Variants in DNHD1 observed in about 807,000 individuals in gnomAD.
DNHD1 encodes dynein heavy chain domain-containing protein 1.
DNHD1 carries 383 observed loss-of-function variants against 458.1 expected under a neutral mutation model. That is an observed-to-expected ratio of 0.84 (90% CI 0.77 to 0.91). The LOEUF is 0.91. DNHD1 is among the 40% of genes least tolerant of loss of function. The probability of loss-of-function intolerance (pLI) is 0.00; values close to 1 mark genes in which losing one functional copy is unlikely to be tolerated. For synonymous variants in DNHD1, 2,203 were observed against 2,376.9 expected, an observed-to-expected ratio of 0.93 and a Z score of 2.13; for missense variants, 5,336 against 5,866.1, an observed-to-expected ratio of 0.91 and a Z score of 2.95.
Position 6,508,876 on chromosome 11 carries a change from A to G in DNHD1, c.921-4A>G, listed in dbSNP as rs11605607. The G allele has an allele frequency of 0.17, 276,942 of 1,613,352 alleles. 25,279 individuals carry two copies. Among genetic ancestry groups the G allele is most frequent in the Non-Finnish European group, 0.19 (218,366 of 1,179,692 alleles). On this transcript the variant is annotated splice_polypyrimidine_tract_variant and splice_region_variant and intron_variant, in intron 4 of 42. Transcript: ENST00000254579. ...CTTCACTGATCAGAGCTCTTTTTTTAAAGGCCTTACAGCCTGATGGTGGTG... is the reference window on the plus strand; with the variant it reads ...CTTCACTGATCAGAGCTCTTTTTTTGAAGGCCTTACAGCCTGATGGTGGTG...
rs746560822 is a variant in DNHD1, at chr11:6,498,933, G to T, written c.718G>T (p.Val240Leu). The change falls in exon 3 of 43, where the codon GTG (valine) becomes TTG (leucine). Residue 240 changes from valine to leucine, a missense_variant. Val to Leu is a conservative substitution (Grantham distance 32). This residue lies in a region of DNHD1 where 3,932 missense variants were observed against 4,365.6 expected (regional missense o/e 0.90). Transcript: ENST00000254579. ...YESSDTDNAEVEPVGRKETRS... is the reference protein window; with the variant it reads ...YESSDTDNAELEPVGRKETRS... ...AAGCAGTGACACTGACAATGCAGAG[G>T]TGGAGCCTGTTGGAAGAAAAGAGAC... 6.2e-7 allele frequency: 1 copy of T among 1,610,216 alleles called. No homozygotes were observed. Among genetic ancestry groups the T allele is most frequent in the Non-Finnish European group, 8.5e-7 (1 of 1,177,864 alleles).
At chr11:6,537,201 T>C (rs2134417632) in intron 14 of DNHD1, among the ~76,000 whole-genome samples, 1 of 152,326 alleles carries the variant, frequency 6.6e-6, no homozygotes, top group South Asian at 2.1e-4. Context: ...CAACTGACTA[T>C]AAGTAACTGA....
Position 6,547,514 on chromosome 11 carries a change from T to C in DNHD1, c.6575T>C (p.Phe2192Ser). 1 of 1,551,086 alleles carries C rather than the reference T, an allele frequency of 6.4e-7. No homozygotes were observed. Among genetic ancestry groups the C allele is most frequent in the South Asian group, 1.2e-5 (1 of 84,050 alleles). The change falls in exon 21 of 43, where the codon TTC becomes TCC. Residue 2192 changes from phenylalanine (F) to serine (S), a missense_variant. This residue lies in a region of DNHD1 where 3,932 missense variants were observed against 4,365.6 expected (regional missense o/e 0.90). Transcript: ENST00000254579. ...GTTCTGGTGCCTGCAACATTGCGAT[T>C]CCTCACCTGCCAAGGTGTCAGCTCT... Reference protein sequence around the residue: ...AEVLVPATLRFLTCQGVSSLL... With the variant: ...AEVLVPATLRSLTCQGVSSLL...
chr11:6,537,028 T>G (rs1013184554), intron 14 of DNHD1, among the ~76,000 whole-genome samples: 9 of 152,248 alleles, frequency 5.9e-5, no homozygotes, highest in African/African-American at 2.2e-4. Flanking sequence ...ATGTGTAAGA[T>G]GCATGAGGCC....
At chr11:6,537,729 G>A (rs1852987677) in intron 14 of DNHD1, among the ~76,000 whole-genome samples, 1 of 152,124 alleles carries the variant, frequency 6.6e-6, no homozygotes, top group Non-Finnish European at 1.5e-5. Context: ...TCAGGAGTTC[G>A]AGACAAGCCT....
rs1216740722 is a variant in DNHD1, at chr11:6,548,348, A to G, written c.7044A>G (p.Gln2348=). 3 of 1,551,672 alleles carry G rather than the reference A, an allele frequency of 1.9e-6. No individual in the cohort carries two copies. Among genetic ancestry groups the G allele is most frequent in the Admixed American group, 3.9e-5 (2 of 50,998 alleles). ...EDGTLVPFTG[Q]YLSSHIKGTL... ...GAACACTGGTCCCCTTCACTGGCCA[A>G]TACCTGAGCAGCCACATCAAAGGAA... The change falls in exon 23 of 43, where the codon CAA becomes CAG. Residue 2348 remains glutamine (Q), a synonymous_variant. Coordinates refer to ENST00000254579, the MANE Select transcript of DNHD1 (RefSeq NM_144666.3). The surrounding 1 kb of genome is among the most constrained non-coding windows in gnomAD (Gnocchi z 4.4).
At chr11:6,518,106 G>T (rs1326938648) in intron 7 of DNHD1, among the ~76,000 whole-genome samples, 1 of 152,094 alleles carries the variant, frequency 6.6e-6, no homozygotes, top group Non-Finnish European at 1.5e-5. Flanking sequence ...TCACTCTGTT[G>T]CCCATGCAGT....
chr11:6,509,411 C>T (rs990610374), intron 6 of DNHD1, 139 bp downstream of exon 6: 1 of 684,796 alleles, frequency 1.5e-6, no homozygotes, highest in Non-Finnish European at 2.4e-6. Context: ...CCACTATGAA[C>T]ATTTTGTTGC....
At chr11:6,506,799 C>T (rs1327276383) in intron 4 of DNHD1, among the ~76,000 whole-genome samples, 1 of 152,102 alleles carries the variant, frequency 6.6e-6, no homozygotes, top group Non-Finnish European at 1.5e-5. Flanking sequence ...TTATCATCTT[C>T]TCTAGTAGAA....
Position 6,558,241 on chromosome 11 carries a change from C to G in DNHD1, c.8946C>G (p.Leu2982=), listed in dbSNP as rs749605562. 3 of 1,551,530 alleles carry G rather than the reference C, an allele frequency of 1.9e-6. No homozygotes were observed. The African/African-American group carries it at 4.1e-5, about 21-fold the overall frequency. Residue 2982 remains leucine, a synonymous_variant, in exon 25 of 43, where the codon CTC becomes CTG. Transcript: ENST00000254579. ...ATTTGGACCGCATTGGAGAACACCT[C>G]CCCAGGGAGAACCTTGGTGTCAAAC... ...EADLDRIGEH[L]PRENLGVKQN... is the part of the protein sequence containing the mutation.
At chr11:6,513,704 C>G (rs1449314623) in intron 7 of DNHD1, among the ~76,000 whole-genome samples, 5 of 152,138 alleles carry the variant, frequency 3.3e-5, no homozygotes, top group African/African-American at 1.2e-4. Context: ...TGGACATAAG[C>G]ATTTATTTTT....
At position 6,546,556 on chromosome 11, in the gene DNHD1, C is replaced by T. The variant is rs575635539; in HGVS notation, c.5617C>T (p.Arg1873Cys). ...GCTGGTGTCTGGGCCCCTGCCCTGC[C>T]GCCTGCCACTGCTCAAGCAGATACT... ...RELVSGPLPCRLPLLKQILED... is the reference protein window; with the variant it reads ...RELVSGPLPCCLPLLKQILED... The change falls in exon 21 of 43, where the codon CGC (arginine) becomes TGC (cysteine). Residue 1873 changes from arginine (R) to cysteine (C), a missense_variant. By Grantham distance (180) the Arg-to-Cys change is radical. Coordinates refer to ENST00000254579, the MANE Select transcript of DNHD1 (RefSeq NM_144666.3). 37 of 1,551,604 alleles carry T rather than the reference C, an allele frequency of 2.4e-5. No individual in the cohort carries two copies. The highest frequency in any genetic ancestry group is 1.2e-4 in the South Asian group (10 of 84,062).
chr11:6,498,181 G>A lies in DNHD1; in HGVS notation c.-35G>A. ...CAGTTGGAGCCTGAGCTATGGGCAA[G>A]GTCACTTCGACAGCAGTTGAATGCC... On this transcript the variant is annotated 5_prime_UTR_variant, in exon 3 of 43. Transcript: ENST00000254579. 1 of 1,584,040 alleles carries A rather than the reference G, an allele frequency of 6.3e-7. No homozygotes were observed. The highest frequency in any genetic ancestry group is 1.2e-5 in the South Asian group (1 of 85,454).
chr11:6,528,703 C>T lies in DNHD1; in HGVS notation c.2019C>T (p.Pro673=), dbSNP rs921563595. 2.6e-6 allele frequency: 4 copies of T among 1,551,612 alleles called. No individual in the cohort carries two copies. In the African/African-American group the frequency reaches 4.1e-5, roughly 16 times the overall value. Residue 673 remains proline (P), a synonymous_variant, in exon 11 of 43, where the codon CCC becomes CCT. Transcript: ENST00000254579. Reference sequence around the variant, plus strand: ...GTCGGCTGCGGGGCCAATACTTCCCCCACAATTATAAGCAGCTGGAGGAAG... The same window carrying T: ...GTCGGCTGCGGGGCCAATACTTCCCTCACAATTATAAGCAGCTGGAGGAAG... ...RGCRLRGQYF[P]HNYKQLEEDL... is the part of the protein sequence containing the mutation.
Position 6,558,144 on chromosome 11 carries a change from A to T in DNHD1, c.8849A>T (p.Asp2950Val). ...PVALLVPSGV[D>V]LTTLHRLLAL... ...GCTCTGTTGGTACCCAGTGGTGTGG[A>T]TCTCACTACACTTCATCGCCTCCTG... Residue 2950 changes from aspartate to valine, a missense_variant, in exon 25 of 43, where the codon GAT (aspartate) becomes GTT (valine). Physicochemically the swap from Asp to Val is radical, Grantham distance 152. Around this residue, in one of 4 missense-constraint regions of DNHD1, gnomAD observed 3,932 missense variants for 4,365.6 expected, o/e 0.90. Coordinates refer to ENST00000254579, the MANE Select transcript of DNHD1 (RefSeq NM_144666.3). The T allele has an allele frequency of 6.4e-7, 1 of 1,551,574 alleles. No individual in the cohort carries two copies. The highest frequency in any genetic ancestry group is 8.7e-7 in the Non-Finnish European group (1 of 1,146,942).
intron 14 of DNHD1, among the ~76,000 whole-genome samples, chr11:6,534,410 A>G (rs1026100271): frequency 2.0e-5 from 3 of 152,170 alleles, no homozygotes; most frequent in African/African-American, 7.2e-5. Context: ...TAAGGAAGGC[A>G]AACAAGTGAA....
In DNHD1 at chr11:6,546,427, C is replaced by T; in HGVS notation, c.5488C>T (p.Pro1830Ser). Residue 1830 changes from proline to serine, a missense_variant, in exon 21 of 43, where the codon CCT becomes TCT. Around this residue, in one of 4 missense-constraint regions of DNHD1, gnomAD observed 3,932 missense variants for 4,365.6 expected, o/e 0.90. Transcript: ENST00000254579. ...GCTGCGGCCTGTGGCATTGGCATTG[C>T]CTGATCTGCGGCAAGTGGCAGAGCT... Reference protein sequence around the residue: ...LLLRPVALALPDLRQVAELTL... With the variant: ...LLLRPVALALSDLRQVAELTL... The T allele has an allele frequency of 6.4e-7, 1 of 1,551,744 alleles. No individual in the cohort carries two copies. The highest frequency in any genetic ancestry group is 8.7e-7 in the Non-Finnish European group (1 of 1,147,058).
Position 6,557,827 on chromosome 11 carries a change from G to A in DNHD1, c.8532G>A (p.Lys2844=), listed in dbSNP as rs1329613730. The A allele has an allele frequency of 1.3e-6, 2 of 1,551,114 alleles. No homozygotes were observed. The highest frequency in any genetic ancestry group is 1.7e-6 in the Non-Finnish European group (2 of 1,147,006). ...PNLYLERQWE[K]LEEQLATSAA... ...TGTACCTGGAACGACAGTGGGAGAA[G>A]CTAGAGGAGCAGTTGGCCACCTCAG... The change falls in exon 25 of 43, where the codon AAG becomes AAA. Residue 2844 remains lysine, a synonymous_variant. Transcript: ENST00000254579.
intron 5 of DNHD1, 33 bp downstream of exon 5, chr11:6,509,116 A>C (rs1852285988): frequency 6.2e-7 from 1 of 1,614,120 alleles, no homozygotes; most frequent in Non-Finnish European, 8.5e-7. Flanking sequence ...TTTGGGGGGA[A>C]ATGGATGACA....
Sources: allele counts gnomAD v4.1 joint callset (sites outside exome capture counted in the v4.1 genomes callset), GRCh38; gene constraint gnomAD v4.1.1; regional missense constraint gnomAD v4.1.1; non-coding constraint Gnocchi (gnomAD v3.1); transcripts MANE v1.5; gene names NCBI Gene and HGNC (gene_info 2026-07-23, HGNC 2026-07-21).